Variants in CEP164 observed in about 807,000 individuals in gnomAD.
The protein encoded by CEP164 is centrosomal protein of 164 kDa.
A neutral mutation model predicts 182.7 loss-of-function variants in CEP164; 162 were observed. The observed-to-expected ratio is 0.89, with a 90% CI of 0.78 to 1.01. The LOEUF (loss-of-function observed/expected upper bound fraction) is 1.01. Among genes scored for constraint, CEP164 ranks in the 50% least tolerant of loss-of-function variants. The probability of loss-of-function intolerance (pLI) is 0.00; values close to 1 mark genes in which losing one functional copy is unlikely to be tolerated. For synonymous variants in CEP164, 661 were observed against 690.0 expected (o/e 0.96, Z 0.66); for missense variants, 1,735 against 1,790.4 (o/e 0.97, Z 0.56).
Position 117,396,192 on chromosome 11 carries a change from GCTGGGGC to G in CEP164, c.3216+19_3216+25del. ...AATCCCTTGGAACAGTGAGCTGGGG[GCTGGGGC>G]CTGGGGGCTGGGGCACCAGGATGGT... On this transcript the variant is annotated intron_variant, in intron 25 of 32. Transcript: ENST00000278935. 2.6e-6 allele frequency: 4 copies of G among 1,544,872 alleles called. No individual in the cohort carries two copies. The highest frequency in any genetic ancestry group is 3.6e-6 in the Non-Finnish European group (4 of 1,121,448).
chr11:117,324,805 C>G (rs2134529239), upstream of CEP164, among the ~76,000 whole-genome samples: 1 of 152,270 alleles, frequency 6.6e-6, no homozygotes, highest in East Asian at 1.9e-4. Context: ...ATTTCAAGAC[C>G]AGCCTGGCCA....
At chr11:117,377,578 T>C (rs2042887845) in intron 11 of CEP164, among the ~76,000 whole-genome samples, 1 of 152,218 alleles carries the variant, frequency 6.6e-6, no homozygotes, top group African/African-American at 2.4e-5. Flanking sequence ...GGGACAGAAC[T>C]GTAGATGCCA....
rs77118839 is a variant in CEP164, at chr11:117,351,933, A to G, written c.338A>G (p.Lys113Arg). 5.0e-5 allele frequency: 79 copies of G among 1,571,470 alleles called. No individual in the cohort carries two copies. The African/African-American group carries it at 7.5e-4, about 15-fold the overall frequency. Residue 113 changes from lysine to arginine, a missense_variant, in exon 5 of 33, where the codon AAA becomes AGA. Physicochemically the swap from Lys to Arg is conservative, Grantham distance 26 (BLOSUM62 2). Coordinates refer to ENST00000278935, the MANE Select transcript of CEP164 (RefSeq NM_014956.5). ...ACTTCTGGGGCCATTAAGAAGAAGA[A>G]AAAAAAAAAGGAAAAGAAAGACAAG... Reference protein sequence around the residue: ...LSTSGAIKKKKKKKEKKDKKD... With the variant: ...LSTSGAIKKKRKKKEKKDKKD...
chr11:117,409,796 C>CT lies in CEP164; in HGVS notation c.3927_3928insT (p.Pro1310SerfsTer80). On this transcript the variant is annotated frameshift_variant, in exon 30 of 33. Transcript: ENST00000278935. LOFTEE classifies it high-confidence loss of function. The surrounding 1 kb of genome is among the most constrained non-coding windows in gnomAD (Gnocchi z 4.4). ...TCCCTCCCCGGGACCCTAAGAGCAC[C>CT]CCCACCCCCACCTACTATGGCTCCC... The CT allele has an allele frequency of 6.2e-7, 1 of 1,610,534 alleles. No homozygotes were observed. The highest frequency in any genetic ancestry group is 8.5e-7 in the Non-Finnish European group (1 of 1,178,752).
At chr11:117,404,678 G>A (rs1162439024) in intron 27 of CEP164, among the ~76,000 whole-genome samples, 1 of 152,246 alleles carries the variant, frequency 6.6e-6, no homozygotes, top group African/African-American at 2.4e-5. Context: ...GAGCCCAAGT[G>A]CTGTGCTGGG....
At chr11:117,383,080 TTGGTGCTCTG>T (rs1311862536) in intron 14 of CEP164, 138 bp downstream of exon 14, 2 of 998,292 alleles carry the variant, frequency 2.0e-6, no homozygotes, top group African/African-American at 3.3e-5. Flanking sequence ...AAGCATATCC[TTGGTGCTCTG>T]TGTGCAGCCT....
chr11:117,383,082 G>C, intron 14 of CEP164, 140 bp downstream of exon 14: 1 of 988,074 alleles, frequency 1.0e-6, no homozygotes, highest in African/African-American at 1.6e-5. Context: ...GCATATCCTT[G>C]GTGCTCTGTG....
At chr11:117,410,117 A>G (rs1190382707) in intron 30 of CEP164, 152 bp downstream of exon 30, 3 of 782,158 alleles carry the variant, frequency 3.8e-6, no homozygotes, top group Non-Finnish European at 6.6e-6. Flanking sequence ...ACCATAGTCC[A>G]TTGGTCCATT....
Position 117,389,842 on chromosome 11 carries a change from A to G in CEP164, c.1935-935A>G, listed in dbSNP as rs569329215. 3.4e-3 allele frequency among the ~76,000 whole-genome samples: 517 copies of G among 151,626 alleles called. 9 individuals are homozygous for G. The highest frequency in any genetic ancestry group is 3.4e-3 in the Middle Eastern group (1 of 292). ...GGAATCTGGTTGGGTGGCTATAGCT[A>G]TCCTTGAGTGAGTGCCATGCTGAGG... On this transcript the variant is annotated intron_variant, in intron 15 of 32. Transcript: ENST00000278935.
chr11:117,327,135 G>C (rs1479913861), upstream of CEP164, among the ~76,000 whole-genome samples: 1 of 152,150 alleles, frequency 6.6e-6, no homozygotes, highest in African/African-American at 2.4e-5. Flanking sequence ...CTGAACCCTG[G>C]GCTTTGGTGA....
intron 17 of CEP164, 123 bp downstream of exon 17, chr11:117,391,338 G>A: frequency 1.1e-6 from 1 of 874,438 alleles, no homozygotes; most frequent in East Asian, 2.6e-5. Flanking sequence ...GAGCCAGGTG[G>A]AGAGTAGGTC....
At position 117,409,973 on chromosome 11, in the gene CEP164, C is replaced by T. The variant is rs760294075; in HGVS notation, c.4096+8C>T. 1.9e-6 allele frequency: 3 copies of T among 1,613,504 alleles called. No homozygotes were observed. Among genetic ancestry groups the T allele is most frequent in the Non-Finnish European group, 2.5e-6 (3 of 1,179,610 alleles). On this transcript the variant is annotated splice_region_variant and intron_variant, in intron 30 of 32. Transcript: ENST00000278935. The surrounding 1 kb of genome is among the most constrained non-coding windows in gnomAD (Gnocchi z 4.4). ...GGCGCAAGTATTTTCCATGTAAGCC[C>T]CACTCTGGGCGGAGCCTTCCCACCT...
rs1687074065 is a variant in CEP164 at position 117,395,525 on chromosome 11, CTA to C, written c.2914-20_2914-19del. The C allele has an allele frequency of 1.9e-6, 3 of 1,595,318 alleles. No individual in the cohort carries two copies. The highest frequency in any genetic ancestry group is 2.6e-6 in the Non-Finnish European group (3 of 1,171,326). On this transcript the variant is annotated intron_variant, in intron 23 of 32. Transcript: ENST00000278935. ...CTCTCTGTGCTGTCTCTGGGTGCTTCTATCTTTCCTTTTGCCCCTAGGAAGCC... is the reference window on the plus strand; with the variant it reads ...CTCTCTGTGCTGTCTCTGGGTGCTTCTCTTTCCTTTTGCCCCTAGGAAGCC...
In CEP164 at chr11:117,409,460, A is replaced by G. The variant is rs2047076069; in HGVS notation, c.3749-158A>G. 3 of 685,882 alleles carry G rather than the reference A, an allele frequency of 4.4e-6. No homozygotes were observed. Among genetic ancestry groups the G allele is most frequent in the Admixed American group, 5.3e-5 (2 of 37,748 alleles). 42.5% of individuals were successfully genotyped at this position (685,882 alleles called of 1,614,324 possible). A position where few individuals can be genotyped will look rare whatever the true frequency, so the allele number is the denominator to read the frequency against. On this transcript the variant is annotated intron_variant, in intron 29 of 32. Coordinates refer to ENST00000278935, the MANE Select transcript of CEP164 (RefSeq NM_014956.5). This position sits in a 1 kb window ranked among gnomAD's most constrained non-coding sequence, Gnocchi z 4.4. Reference sequence around the variant, plus strand: ...CTCACTTGCACTGTCTGGAACACAGAAGCCCTGCCATCCCTGACCCCCTCA... The same window carrying G: ...CTCACTTGCACTGTCTGGAACACAGGAGCCCTGCCATCCCTGACCCCCTCA...
chr11:117,362,358 A>C, intron 6 of CEP164, 46 bp from the exon 7 acceptor site: 1 of 1,589,554 alleles, frequency 6.3e-7, no homozygotes, highest in Non-Finnish European at 8.6e-7. Flanking sequence ...GGTCATTCCA[A>C]AGGTCTTCCA....
chr11:117,391,717 C>A (rs558700055), intron 17 of CEP164, among the ~76,000 whole-genome samples: 22 of 152,176 alleles, frequency 1.4e-4, no homozygotes, highest in Non-Finnish European at 2.6e-4. Flanking sequence ...TTTGTCCATA[C>A]TCCCTCTTCT....
rs774763557 is a variant in CEP164, at chr11:117,361,970, C to G, written c.529C>G (p.Arg177Gly). ...VSLGSSVESG[R>G]QLGELMLPSQ... Reference sequence around the variant, plus strand: ...CCTGGGGAGCTCAGTGGAGTCTGGACGTCAGCTTGGAGAACTCATGCTGGT... The same window carrying G: ...CCTGGGGAGCTCAGTGGAGTCTGGAGGTCAGCTTGGAGAACTCATGCTGGT... The change falls in exon 6 of 33, where the codon CGT (arginine) becomes GGT (glycine). Residue 177 changes from arginine to glycine, a missense_variant. Arg to Gly is a moderately radical substitution (Grantham distance 125). Transcript: ENST00000278935. The G allele has an allele frequency of 6.3e-7, 1 of 1,584,248 alleles. No homozygotes were observed. Among genetic ancestry groups the G allele is most frequent in the Non-Finnish European group, 8.5e-7 (1 of 1,169,820 alleles).
rs768052435 is a variant in CEP164 at position 117,395,708 on chromosome 11, G to T, written c.3075G>T (p.Leu1025=). The T allele has an allele frequency of 1.2e-6, 2 of 1,611,236 alleles. No individual in the cohort carries two copies. The highest frequency in any genetic ancestry group is 1.7e-6 in the Non-Finnish European group (2 of 1,179,186). ...TGCTGCAGGCTCAGAGCCAGCAACT[G>T]CAGAAACACTTCAGGTGGCGTGGGC... ...VDLLQAQSQQ[L]QKHFSSLEAE... is the part of the protein sequence containing the mutation. The change falls in exon 24 of 33, where the codon CTG becomes CTT. Residue 1025 remains leucine (L), a synonymous_variant. Coordinates refer to ENST00000278935, the MANE Select transcript of CEP164 (RefSeq NM_014956.5).
At chr11:117,371,912 C>G (rs963505685) in intron 9 of CEP164, among the ~76,000 whole-genome samples, 18 of 151,486 alleles carry the variant, frequency 1.2e-4, no homozygotes, top group Non-Finnish European at 2.5e-4. Flanking sequence ...AAGCAGTCCT[C>G]CTACCTCATC....
Sources: gnomAD v4.1 joint callset for allele counts (sites outside exome capture counted in the v4.1 genomes callset) on GRCh38, gnomAD v4.1.1 for gene constraint, Gnocchi (gnomAD v3.1) non-coding constraint, MANE v1.5 for transcripts, NCBI Gene and HGNC (gene_info 2026-07-23, HGNC 2026-07-21) for gene names.